Variants in ACVR2B observed in about 807,000 individuals in gnomAD.
ACVR2B encodes the protein activin A receptor type 2B.
ACVR2B carries 18 observed loss-of-function variants against 65.1 expected under a neutral mutation model. The observed-to-expected ratio is 0.28, with a 90% CI of 0.19 to 0.41. ACVR2B has a LOEUF of 0.41. Among genes scored for constraint, ACVR2B ranks in the 10% least tolerant of loss-of-function variants. The pLI is 1.00. For missense variants in ACVR2B, 482 were observed against 682.7 expected, an observed-to-expected ratio of 0.71 and a Z score of 3.28; for synonymous variants, 298 against 277.7, an observed-to-expected ratio of 1.07 and a Z score of -0.73.
chr3:38,454,689 G>A (rs1709512609), intron 1 of ACVR2B: 1 of 262,910 alleles, frequency 3.8e-6, no homozygotes, highest in Non-Finnish European at 7.2e-6. Context: ...GAAAGAGTGA[G>A]GAAAACCTGA....
rs544943041 is a variant in ACVR2B, at chr3:38,481,952, A to G, written c.1075-246A>G. Among the ~76,000 whole-genome samples the G allele has an allele frequency of 3.9e-4, 59 of 152,306 alleles. No homozygotes were observed. Among genetic ancestry groups the G allele is most frequent in the African/African-American group, 1.4e-3 (58 of 41,558 alleles). ...AGTTCCTTGTATTAATTTGGTAACA[A>G]TTCCATTTTAGATTACTATTATCTC... is the stretch of plus-strand genomic sequence containing the variant. On this transcript the variant is annotated intron_variant, in intron 8 of 10. Transcript: ENST00000352511. The surrounding 1 kb of genome is among the most constrained non-coding windows in gnomAD (Gnocchi z 4.7).
intron 1 of ACVR2B, among the ~76,000 whole-genome samples, chr3:38,466,779 A>T (rs1709737410): frequency 6.6e-6 from 1 of 152,170 alleles, no homozygotes; most frequent in Non-Finnish European, 1.5e-5. Context: ...CTGGGATTAT[A>T]GGCATGAGCC....
intron 1 of ACVR2B, among the ~76,000 whole-genome samples, chr3:38,466,174 A>T (rs150524191): frequency 2.2e-4 from 33 of 152,318 alleles, no homozygotes; most frequent in African/African-American, 7.9e-4. Context: ...GATCTCATAG[A>T]AATAGAGCGT....
At chr3:38,482,060 G>A in intron 8 of ACVR2B, 138 bp from the exon 9 acceptor site, 1 of 1,070,272 alleles carries the variant, frequency 9.3e-7, no homozygotes, top group East Asian at 2.4e-5. Flanking sequence ...GGTGAATCGA[G>A]GTTTGCTATC....
chr3:38,468,054 A>G (rs753405313), intron 1 of ACVR2B, among the ~76,000 whole-genome samples: 2 of 151,854 alleles, frequency 1.3e-5, no homozygotes, highest in African/African-American at 2.4e-5. Context: ...AATTTTTTGT[A>G]TTTTTGGAAG....
rs7374458 is a variant in ACVR2B at position 38,489,720 on chromosome 3, T to G, written c.*6388T>G. On this transcript the variant is annotated 3_prime_UTR_variant, in exon 11 of 11. Transcript: ENST00000352511. ...GGAACAGAAATTGTATAGGGGTGCC[T>G]ATTGGGGTGGGATGGGACTCGAATA... 0.49 allele frequency: 74,432 copies of G among 152,442 alleles called. 20,317 individuals are homozygous for G. Among genetic ancestry groups the G allele is most frequent in the Non-Finnish European group, 0.62 (41,986 of 67,974 alleles). The allele number at this position is 152,442 out of a possible 1,614,324, so 9.4% of individuals were successfully genotyped here. A position where few individuals can be genotyped will look rare whatever the true frequency, so the allele number is the denominator to read the frequency against.
chr3:38,480,388 C>T (rs996268442), intron 7 of ACVR2B, among the ~76,000 whole-genome samples: 3 of 152,240 alleles, frequency 2.0e-5, no homozygotes, highest in Admixed American at 1.3e-4. Context: ...TCATCACTGT[C>T]ATGCTTACTA....
At chr3:38,463,609 G>A (rs968619696) in intron 1 of ACVR2B, among the ~76,000 whole-genome samples, 3 of 152,152 alleles carry the variant, frequency 2.0e-5, no homozygotes, top group African/African-American at 4.8e-5. Flanking sequence ...ACTCTTTACT[G>A]TTATGTTGGG....
intron 1 of ACVR2B, among the ~76,000 whole-genome samples, chr3:38,462,784 G>C (rs1262516521): frequency 6.6e-6 from 1 of 152,192 alleles, no homozygotes; most frequent in African/African-American, 2.4e-5. Flanking sequence ...CTCAAGAGTA[G>C]ATGAGAAAAT....
At position 38,477,589 on chromosome 3, in the gene ACVR2B, A is replaced by G; in HGVS notation, c.260+95A>G. The G allele has an allele frequency of 2.8e-6, 4 of 1,419,114 alleles. No homozygotes were observed. The highest frequency in any genetic ancestry group is 3.9e-6 in the Non-Finnish European group (4 of 1,024,468). 87.9% of individuals were successfully genotyped at this position (1,419,114 alleles called of 1,614,324 possible). ...GTCTCAGGATGTCTGAGTGGGAGAT[A>G]AAGGACCAAGAAGGGGCTCTTGAGA... On this transcript the variant is annotated intron_variant, in intron 2 of 10. Transcript: ENST00000352511. This position sits in a 1 kb window ranked among gnomAD's most constrained non-coding sequence, Gnocchi z 6.7.
chr3:38,462,213 A>G (rs1242878941), intron 1 of ACVR2B, among the ~76,000 whole-genome samples: 1 of 151,724 alleles, frequency 6.6e-6, no homozygotes, highest in Non-Finnish European at 1.5e-5. Context: ...AAATAAATAA[A>G]CAAACAAATA....
chr3:38,464,676 A>G (rs1709701209), intron 1 of ACVR2B, among the ~76,000 whole-genome samples: 1 of 152,220 alleles, frequency 6.6e-6, no homozygotes, highest in African/African-American at 2.4e-5. Flanking sequence ...AAGGGTGGGC[A>G]GAGTCAATCA....
At position 38,486,599 on chromosome 3, in the gene ACVR2B, C is replaced by A. The variant is rs1710125899; in HGVS notation, c.*3267C>A. 6.6e-6 allele frequency: 1 copy of A among 152,152 alleles called. No individual in the cohort carries two copies. The highest frequency in any genetic ancestry group is 6.5e-5 in the Admixed American group (1 of 15,276). The allele number at this position is 152,152 out of a possible 1,614,324, so 9.4% of individuals were successfully genotyped here. On this transcript the variant is annotated 3_prime_UTR_variant, in exon 11 of 11. Coordinates refer to ENST00000352511, the MANE Select transcript of ACVR2B (RefSeq NM_001106.4). ...TTGTTTTTGACCTCAGGCTCTGTGG[C>A]AGACTGGGGAAAATGGGGCCTGGCA...
chr3:38,463,426 G>A (rs576592246), intron 1 of ACVR2B, among the ~76,000 whole-genome samples: 1 of 152,348 alleles, frequency 6.6e-6, no homozygotes, highest in South Asian at 2.1e-4. Flanking sequence ...AGTCTGGTGA[G>A]AAGCTTTTCA....
chr3:38,482,320 C>T lies in ACVR2B; in HGVS notation c.1197C>T (p.Arg399=), dbSNP rs1210550576. ...TGGTGCTGTGGGAGCTTGTGTCTCG[C>T]TGCAAGGCTGCAGACGGTAAGTAGG... The part of the protein sequence containing the change: ...MGLVLWELVS[R]CKAADGPVDE... The change falls in exon 9 of 11, where the codon CGC becomes CGT. Residue 399 remains arginine, a synonymous_variant. Transcript: ENST00000352511. The T allele has an allele frequency of 6.2e-7, 1 of 1,611,822 alleles. No homozygotes were observed. Among genetic ancestry groups the T allele is most frequent in the Admixed American group, 1.7e-5 (1 of 59,634 alleles).
rs1386625789 is a variant in ACVR2B, at chr3:38,483,066, T to G, written c.1345-72T>G. 3 of 1,558,322 alleles carry G rather than the reference T, an allele frequency of 1.9e-6. No homozygotes were observed. Among genetic ancestry groups the G allele is most frequent in the Non-Finnish European group, 8.8e-7 (1 of 1,130,370 alleles). On this transcript the variant is annotated intron_variant, in intron 10 of 10. Coordinates refer to ENST00000352511, the MANE Select transcript of ACVR2B (RefSeq NM_001106.4). This position sits in a 1 kb window ranked among gnomAD's most constrained non-coding sequence, Gnocchi z 4.8. ...TGATCCTTGGGAATATCAAGTTTAC[T>G]GTCCCCCAAAGCTTTTCCTCACTGA... is the stretch of plus-strand genomic sequence containing the variant.
chr3:38,478,612 A>C, intron 5 of ACVR2B, 94 bp downstream of exon 5: 1 of 1,539,918 alleles, frequency 6.5e-7, no homozygotes, highest in Non-Finnish European at 8.9e-7. Flanking sequence ...ACCCCAAATA[A>C]TATTGTGGTA....
chr3:38,483,711 C>A lies in ACVR2B; in HGVS notation c.*379C>A. Reference sequence around the variant, plus strand: ...TCAGAATCTGTGACACAAAGAAACCCATCTCCTGTCTTAGGAAACCTAATG... The same window carrying A: ...TCAGAATCTGTGACACAAAGAAACCAATCTCCTGTCTTAGGAAACCTAATG... On this transcript the variant is annotated 3_prime_UTR_variant, in exon 11 of 11. Transcript: ENST00000352511. This position sits in a 1 kb window ranked among gnomAD's most constrained non-coding sequence, Gnocchi z 4.8. 1 of 157,352 alleles carries A rather than the reference C, an allele frequency of 6.4e-6. No homozygotes were observed. The allele number at this position is 157,352 out of a possible 1,614,324, so 9.7% of individuals were successfully genotyped here. A position where few individuals can be genotyped will look rare whatever the true frequency, so the allele number is the denominator to read the frequency against.
intron 4 of ACVR2B, 37 bp downstream of exon 4, chr3:38,478,329 G>A: frequency 6.2e-7 from 1 of 1,614,124 alleles, no homozygotes; most frequent in Non-Finnish European, 8.5e-7. Flanking sequence ...GCAGGATAGA[G>A]GTGGGGAGGA....
Sources: allele counts gnomAD v4.1 joint callset (sites outside exome capture counted in the v4.1 genomes callset), GRCh38; gene constraint gnomAD v4.1.1; non-coding constraint Gnocchi (gnomAD v3.1); transcripts MANE v1.5; gene names NCBI Gene and HGNC (gene_info 2026-07-23, HGNC 2026-07-21).